Variants in MACROD2 observed in about 807,000 individuals in gnomAD.
MACROD2 encodes mono-ADP ribosylhydrolase 2, also known as ADP-ribose glycohydrolase MACROD2.
A neutral mutation model predicts 70.4 loss-of-function variants in MACROD2; 36 were observed. The ratio of observed to expected loss-of-function variants is 0.51; its 90% CI spans 0.39 to 0.68. The LOEUF (loss-of-function observed/expected upper bound fraction) is 0.68. Among genes scored for constraint, MACROD2 ranks in the 30% least tolerant of loss-of-function variants. The pLI, the probability that MACROD2 is intolerant of heterozygous loss-of-function variation, is 0.00. For synonymous variants in MACROD2, 172 were observed against 178.8 expected, an observed-to-expected ratio of 0.96 and a Z score of 0.30; for missense variants, 496 against 538.4, an observed-to-expected ratio of 0.92 and a Z score of 0.78.
At chr20:15,859,131 G>GA (rs1435483991) in intron 8 of MACROD2, among the ~76,000 whole-genome samples, 1 of 152,118 alleles carries the variant, frequency 6.6e-6, no homozygotes. Flanking sequence ...ATAAGGAAGA[G>GA]AAAATATATT....
At chr20:14,451,544 G>A (rs2122987070) in intron 3 of MACROD2, among the ~76,000 whole-genome samples, 1 of 152,300 alleles carries the variant, frequency 6.6e-6, no homozygotes, top group East Asian at 1.9e-4. Flanking sequence ...CAGAACATGT[G>A]CCTTGGGGCT....
chr20:15,272,412 T>G (rs1163002825), intron 6 of MACROD2, among the ~76,000 whole-genome samples: 1 of 152,258 alleles, frequency 6.6e-6, no homozygotes, highest in Non-Finnish European at 1.5e-5. Context: ...AAGAGGCTAT[T>G]TCCTTGGAAG....
At chr20:15,751,526 A>G (rs1406198540) in intron 8 of MACROD2, among the ~76,000 whole-genome samples, 2 of 152,086 alleles carry the variant, frequency 1.3e-5, no homozygotes, top group East Asian at 3.9e-4. Flanking sequence ...AATTAAATCT[A>G]TGAAAGCTAT....
intron 5 of MACROD2, among the ~76,000 whole-genome samples, chr20:15,220,876 G>C (rs931448273): frequency 3.9e-5 from 6 of 152,186 alleles, no homozygotes; most frequent in Non-Finnish European, 8.8e-5. Flanking sequence ...CACATAGTGG[G>C]TTCTCACTAA....
chr20:14,814,401 A>G (rs984397667), intron 5 of MACROD2, among the ~76,000 whole-genome samples: 5 of 152,108 alleles, frequency 3.3e-5, no homozygotes, highest in African/African-American at 9.7e-5. Context: ...AAAAAATAAA[A>G]TTGATGTTAT....
chr20:15,015,194 A>T (rs1713880320), intron 5 of MACROD2, among the ~76,000 whole-genome samples: 1 of 152,016 alleles, frequency 6.6e-6, no homozygotes. Context: ...TTTAATATTA[A>T]TTTTTTCATT....
At chr20:16,018,601 C>T (rs2066961539) in intron 15 of MACROD2, among the ~76,000 whole-genome samples, 3 of 152,208 alleles carry the variant, frequency 2.0e-5, no homozygotes, top group African/African-American at 7.2e-5. Context: ...GTCCCCTCCT[C>T]ATCCTCTTCT....
intron 7 of MACROD2, among the ~76,000 whole-genome samples, chr20:15,472,813 G>T (rs898507832): frequency 2.0e-5 from 3 of 151,818 alleles, no homozygotes; most frequent in Non-Finnish European, 4.4e-5. Context: ...TGCTTTTCGG[G>T]CCCTGTACCT....
At chr20:14,503,527 C>CAACT (rs1191571815) in intron 4 of MACROD2, among the ~76,000 whole-genome samples, 2 of 152,104 alleles carry the variant, frequency 1.3e-5, no homozygotes, top group Non-Finnish European at 2.9e-5. Context: ...CAGCTATGAA[C>CAACT]AACTGGGAGA....
rs941269345 is a variant in MACROD2, at chr20:14,666,801, G to A, written c.302-18042G>A. On this transcript the variant is annotated intron_variant, in intron 4 of 17. Transcript: ENST00000684519. ...GAATTCTTTAAAAACTGTAGCTGTG[G>A]AAGCAGGATTGCTCTTGTTTCATCC... is the stretch of plus-strand genomic sequence containing the variant. Among the ~76,000 whole-genome samples the A allele has an allele frequency of 1.8e-4, 28 of 151,898 alleles. 1 individual carries two copies. In the South Asian group the frequency reaches 4.6e-3, roughly 25 times the overall value.
At chr20:15,933,096 A>G (rs1324364777) in intron 10 of MACROD2, among the ~76,000 whole-genome samples, 180 bp from the exon 11 acceptor site, 2 of 152,200 alleles carry the variant, frequency 1.3e-5, no homozygotes, top group African/African-American at 4.8e-5. Flanking sequence ...ATGAGTATAA[A>G]TGCACTTATT....
intron 8 of MACROD2, among the ~76,000 whole-genome samples, chr20:15,647,767 G>A (rs185300329): frequency 1.3e-5 from 2 of 149,830 alleles, no homozygotes; most frequent in Non-Finnish European, 3.0e-5. Flanking sequence ...TCACCCAGGC[G>A]AGAGTGCAGT....
chr20:14,731,900 A>G (rs989002487), intron 5 of MACROD2, among the ~76,000 whole-genome samples: 12 of 152,176 alleles, frequency 7.9e-5, no homozygotes, highest in Non-Finnish European at 2.9e-5. Context: ...CATTCTTCTC[A>G]CTAAATTTTT....
chr20:15,450,103 A>G (rs1459257263), intron 7 of MACROD2, among the ~76,000 whole-genome samples: 3 of 152,190 alleles, frequency 2.0e-5, no homozygotes, highest in Non-Finnish European at 4.4e-5. Flanking sequence ...ATACATAGAT[A>G]TCACACATAT....
chr20:16,007,205 G>A (rs1349804111), intron 15 of MACROD2, among the ~76,000 whole-genome samples: 1 of 152,216 alleles, frequency 6.6e-6, no homozygotes, highest in Non-Finnish European at 1.5e-5. Flanking sequence ...AGACAGAAAT[G>A]TAGCTGCATT....
intron 6 of MACROD2, among the ~76,000 whole-genome samples, chr20:15,254,316 C>A (rs180882817): frequency 1.3e-5 from 2 of 152,144 alleles, no homozygotes; most frequent in Admixed American, 6.6e-5. Context: ...AAAATCAAAG[C>A]GTATCAGCCA....
chr20:14,228,647 C>T (rs1601375745), intron 3 of MACROD2, among the ~76,000 whole-genome samples: 1 of 151,944 alleles, frequency 6.6e-6, no homozygotes, highest in Admixed American at 6.6e-5. Context: ...GATGTAAAAA[C>T]GTATAGTCCT....
At chr20:14,646,693 T>C (rs6033998) in intron 4 of MACROD2, among the ~76,000 whole-genome samples, 28,691 of 152,080 alleles carry the variant, frequency 0.19, 5,652 homozygotes, top group African/African-American at 0.49. Context: ...ATCATTATGT[T>C]TGCATTGTTT....
chr20:14,752,316 C>A (rs879529312), intron 5 of MACROD2, among the ~76,000 whole-genome samples: 9 of 151,936 alleles, frequency 5.9e-5, no homozygotes, highest in Middle Eastern at 3.2e-3. Context: ...CCCTCTTGTA[C>A]CCCCAGACTT....
Sources: gnomAD v4.1 joint callset for allele counts (sites outside exome capture counted in the v4.1 genomes callset) on GRCh38, gnomAD v4.1.1 for gene constraint, MANE v1.5 for transcripts, NCBI Gene and HGNC (gene_info 2026-07-23, HGNC 2026-07-21) for gene names.